EPHA5: variants seen among roughly 807,000 people sequenced by gnomAD.
EPHA5 encodes ephrin type-A receptor 5.
EPHA5 carries 60 observed loss-of-function variants against 105.0 expected under a neutral mutation model. The ratio of observed to expected loss-of-function variants is 0.57; its 90% CI spans 0.46 to 0.71. The LOEUF is 0.71. Ranked by LOEUF, EPHA5 falls within the 30% of genes least tolerant of loss-of-function variation. The pLI is 0.00. For missense variants in EPHA5, 1,218 were observed against 1,274.7 expected (o/e 0.96, Z 0.68); for synonymous variants, 513 against 449.1 (o/e 1.14, Z -1.80).
chr4:65,647,338 A>T (rs913785356), intron 1 of EPHA5, among the ~76,000 whole-genome samples: 5 of 150,938 alleles, frequency 3.3e-5, no homozygotes, highest in African/African-American at 9.7e-5. Flanking sequence ...CAAAAAAAAA[A>T]AAAAAAAAAA....
Position 65,669,668 on chromosome 4 carries a change from T to G in EPHA5, c.75A>C (p.Pro25=). ...PSGGGDTPIT[P]ASLAGCYSAP... The stretch of plus-strand genomic sequence containing the variant: ...CAGAGTAGCAGCCGGCCAGGGACGC[T>G]GGGGTGATGGGGGTGTCGCCGCCGC... The change falls in exon 1 of 17, where the codon CCA becomes CCC. Residue 25 remains proline (P), a synonymous_variant. Coordinates refer to ENST00000613740, the MANE Select transcript of EPHA5 (RefSeq NM_001281766.3). 7.4e-7 allele frequency: 1 copy of G among 1,347,826 alleles called. No homozygotes were observed. Among genetic ancestry groups the G allele is most frequent in the Non-Finnish European group, 9.6e-7 (1 of 1,044,614 alleles). The allele number at this position is 1,347,826 out of a possible 1,614,324, so 83.5% of individuals were successfully genotyped here.
At chr4:65,613,312 C>T (rs1484200529) in intron 2 of EPHA5, among the ~76,000 whole-genome samples, 1 of 151,962 alleles carries the variant, frequency 6.6e-6, no homozygotes, top group Non-Finnish European at 1.5e-5. Flanking sequence ...TAATGTGATG[C>T]CTCCAGCTTT....
At chr4:65,564,948 T>A (rs1300554929) in intron 3 of EPHA5, among the ~76,000 whole-genome samples, 1 of 151,692 alleles carries the variant, frequency 6.6e-6, no homozygotes, top group Admixed American at 6.6e-5. Context: ...CACAATTGCA[T>A]CCAGAAAGAA....
At chr4:65,330,352 G>A in intron 16 of EPHA5, among the ~76,000 whole-genome samples, 1 of 151,146 alleles carries the variant, frequency 6.6e-6, no homozygotes, top group East Asian at 2.0e-4. Context: ...AGAAAAAAAA[G>A]GAATAAGAAA....
chr4:65,499,557 G>A (rs567542954), intron 3 of EPHA5, among the ~76,000 whole-genome samples: 1 of 151,406 alleles, frequency 6.6e-6, no homozygotes, highest in South Asian at 2.1e-4. Context: ...TGTTGAGATT[G>A]CAGTTACTTT....
Position 65,523,912 on chromosome 4 carries a change from G to A in EPHA5, c.911-28369C>T, listed in dbSNP as rs575130339. ...CCACTTTCATATCACAAGAGTGAAG[G>A]TTATTAAGCCAGGTCCATAAAAGCT... On this transcript the variant is annotated intron_variant, in intron 3 of 16. Coordinates refer to ENST00000613740, the MANE Select transcript of EPHA5 (RefSeq NM_001281766.3). Among the ~76,000 whole-genome samples, 3 of 151,708 alleles carry A rather than the reference G, an allele frequency of 2.0e-5. No homozygotes were observed. In the East Asian group the frequency reaches 5.9e-4, roughly 30 times the overall value.
At chr4:65,384,679 CTGTGTT>C (rs1271185804) in intron 8 of EPHA5, among the ~76,000 whole-genome samples, 1 of 151,862 alleles carries the variant, frequency 6.6e-6, no homozygotes, top group Non-Finnish European at 1.5e-5. Context: ...AAAAAATACT[CTGTGTT>C]TGTTCTCAGC....
At chr4:65,471,586 G>C (rs1206213378) in intron 5 of EPHA5, among the ~76,000 whole-genome samples, 1 of 152,158 alleles carries the variant, frequency 6.6e-6, no homozygotes, top group African/African-American at 2.4e-5. Flanking sequence ...GTTCCACATG[G>C]CTGGGAAGGT....
At chr4:65,473,115 C>G (rs1729450185) in intron 5 of EPHA5, among the ~76,000 whole-genome samples, 1 of 152,148 alleles carries the variant, frequency 6.6e-6, no homozygotes. Flanking sequence ...CAGTTCCCAA[C>G]AAGGTCCTCA....
At chr4:65,647,426 A>C (rs1748220655) in intron 1 of EPHA5, among the ~76,000 whole-genome samples, 1 of 152,006 alleles carries the variant, frequency 6.6e-6, no homozygotes, top group South Asian at 2.1e-4. Flanking sequence ...TTTATTAAAA[A>C]GAGGGGATTG....
intron 3 of EPHA5, among the ~76,000 whole-genome samples, chr4:65,579,226 C>T (rs1741360676): frequency 6.6e-6 from 1 of 151,138 alleles, no homozygotes; most frequent in South Asian, 2.1e-4. Context: ...AAAATTTCTA[C>T]TGTCCCATCA....
intron 2 of EPHA5, among the ~76,000 whole-genome samples, chr4:65,639,023 G>A (rs1368737849): frequency 6.6e-6 from 1 of 152,190 alleles, no homozygotes; most frequent in Non-Finnish European, 1.5e-5. Context: ...GCAGCACTGT[G>A]TGTTTATTAT....
chr4:65,373,725 A>G (rs2148911404), intron 8 of EPHA5, among the ~76,000 whole-genome samples: 1 of 152,076 alleles, frequency 6.6e-6, no homozygotes. Context: ...GAAGTTTATT[A>G]TCTACAGATC....
At chr4:65,511,816 T>C (rs1733653307) in intron 3 of EPHA5, among the ~76,000 whole-genome samples, 1 of 152,198 alleles carries the variant, frequency 6.6e-6, no homozygotes. Flanking sequence ...CTAAAACTTA[T>C]TTGTATAAGA....
intron 1 of EPHA5, among the ~76,000 whole-genome samples, chr4:65,667,519 G>C (rs1426358426): frequency 6.6e-6 from 1 of 152,060 alleles, no homozygotes; most frequent in African/African-American, 2.4e-5. Flanking sequence ...AAGTTTTGCT[G>C]TGTGACGGAC....
chr4:65,423,271 T>C (rs1048989694), intron 5 of EPHA5, among the ~76,000 whole-genome samples: 6 of 152,072 alleles, frequency 3.9e-5, no homozygotes, highest in Non-Finnish European at 5.9e-5. Context: ...ACTATCTACC[T>C]ATCATCACCG....
At chr4:65,507,857 A>G (rs1434099254) in intron 3 of EPHA5, among the ~76,000 whole-genome samples, 2 of 152,066 alleles carry the variant, frequency 1.3e-5, no homozygotes, top group Non-Finnish European at 2.9e-5. Context: ...AACCATGACA[A>G]AAATATTAGT....
At chr4:65,538,107 G>T (rs1195170440) in intron 3 of EPHA5, among the ~76,000 whole-genome samples, 1 of 151,740 alleles carries the variant, frequency 6.6e-6, no homozygotes, top group East Asian at 1.9e-4. Flanking sequence ...TGGTCATTTA[G>T]TTTCCTTGTC....
At chr4:65,380,241 A>G (rs1300561283) in intron 8 of EPHA5, among the ~76,000 whole-genome samples, 1 of 151,838 alleles carries the variant, frequency 6.6e-6, no homozygotes, top group Non-Finnish European at 1.5e-5. Flanking sequence ...AGTTTAAAAT[A>G]GCTTAGCTCC....
Sources: gnomAD v4.1 joint callset for allele counts (sites outside exome capture counted in the v4.1 genomes callset) on GRCh38, gnomAD v4.1.1 for gene constraint, MANE v1.5 for transcripts, NCBI Gene and HGNC (gene_info 2026-07-23, HGNC 2026-07-21) for gene names.